IGSF23: variants seen among roughly 807,000 people sequenced by gnomAD.
The protein encoded by IGSF23 is immunoglobulin superfamily, member 23.
IGSF23 carries 14 observed loss-of-function variants against 17.8 expected under a neutral mutation model. That is an observed-to-expected ratio of 0.79 (90% CI 0.52 to 1.23). The LOEUF is 1.23. Among genes scored for constraint, IGSF23 ranks in the 50% most tolerant of loss-of-function variants. The pLI is 0.00. For missense variants in IGSF23, 214 were observed against 241.7 expected (o/e 0.89, Z 0.76); for synonymous variants, 85 against 92.5 (o/e 0.92, Z 0.46).
intron 3 of IGSF23, among the ~76,000 whole-genome samples, chr19:44,631,147 G>A (rs1295206786): frequency 6.6e-6 from 1 of 151,928 alleles, no homozygotes; most frequent in Admixed American, 6.6e-5. Context: ...CATGCTTGTG[G>A]TTCCAGCTAC....
intron 1 of IGSF23, among the ~76,000 whole-genome samples, chr19:44,616,922 A>C (rs1020783295): frequency 9.9e-5 from 15 of 150,910 alleles, no homozygotes; most frequent in African/African-American, 3.6e-4. Context: ...GAGAGGGAGA[A>C]AGGTCTTGCT....
intron 3 of IGSF23, among the ~76,000 whole-genome samples, chr19:44,629,867 C>CATG (rs1372325540): frequency 2.0e-5 from 3 of 152,022 alleles, no homozygotes; most frequent in Non-Finnish European, 4.4e-5. Flanking sequence ...CTCTTGACCT[C>CATG]ATGATCTGCC....
intron 3 of IGSF23, among the ~76,000 whole-genome samples, chr19:44,631,457 G>A (rs991708935): frequency 2.0e-5 from 3 of 151,624 alleles, no homozygotes; most frequent in African/African-American, 7.3e-5. Flanking sequence ...GCATGGTGGT[G>A]CATGCCTGTA....
At chr19:44,634,572 C>A (rs967053943) in intron 3 of IGSF23, among the ~76,000 whole-genome samples, 8 of 152,112 alleles carry the variant, frequency 5.3e-5, no homozygotes, top group African/African-American at 1.9e-4. Context: ...TCGCTCCAGG[C>A]GCTGCTCGAA....
At chr19:44,624,019 A>G (rs1173814062) in intron 2 of IGSF23, 47 bp downstream of exon 2, 16 of 1,316,504 alleles carry the variant, frequency 1.2e-5, no homozygotes, top group Non-Finnish European at 1.5e-5. Context: ...AGAGCCCTGC[A>G]CCCTCTCCAG....
chr19:44,628,312 T>C (rs1464561903), intron 3 of IGSF23, among the ~76,000 whole-genome samples: 1 of 152,162 alleles, frequency 6.6e-6, no homozygotes, highest in Admixed American at 6.5e-5. Context: ...TCGTCCTCTC[T>C]ACACATATCT....
At chr19:44,616,900 AAGAGAGAG>A (rs899763381) in intron 1 of IGSF23, among the ~76,000 whole-genome samples, 7 of 149,390 alleles carry the variant, frequency 4.7e-5, no homozygotes, top group African/African-American at 1.2e-4. Context: ...GAGAGAGAAA[AAGAGAGAG>A]AGAGAGAGGG....
At chr19:44,614,174 C>T (rs750848342) in intron 1 of IGSF23, among the ~76,000 whole-genome samples, 2 of 152,060 alleles carry the variant, frequency 1.3e-5, no homozygotes, top group Non-Finnish European at 2.9e-5. Context: ...CTATTGGCTT[C>T]TTTTAGGAAG....
chr19:44,618,499 T>C (rs960912890), intron 1 of IGSF23, among the ~76,000 whole-genome samples: 4 of 152,222 alleles, frequency 2.6e-5, no homozygotes, highest in African/African-American at 9.6e-5. Context: ...CAGGACACTT[T>C]GCATGCTGGT....
At position 44,636,520 on chromosome 19, in the gene IGSF23, G is replaced by C; in HGVS notation, c.*133G>C. 1 of 152,270 alleles carries C rather than the reference G, an allele frequency of 6.6e-6. No individual in the cohort carries two copies. Among genetic ancestry groups the C allele is most frequent in the South Asian group, 2.1e-4 (1 of 4,822 alleles). 9.4% of individuals were successfully genotyped at this position (152,270 alleles called of 1,614,324 possible). On this transcript the variant is annotated 3_prime_UTR_variant, in exon 5 of 5. Transcript: ENST00000402988. ...TCAAGGGAACAACCCAACGTAACCA[G>C]ACTCCCTTTGCCCTGTTTCTGAAAC... is the stretch of plus-strand genomic sequence containing the variant.
chr19:44,614,670 G>T (rs982244836), intron 1 of IGSF23, among the ~76,000 whole-genome samples: 2 of 152,010 alleles, frequency 1.3e-5, no homozygotes, highest in African/African-American at 4.8e-5. Context: ...GGGCTCAAGC[G>T]ATCCTCCTGC....
intron 1 of IGSF23, among the ~76,000 whole-genome samples, chr19:44,619,559 C>A (rs1007294882): frequency 6.6e-6 from 1 of 152,222 alleles, no homozygotes; most frequent in African/African-American, 2.4e-5. Context: ...GCAAAATACT[C>A]TAGGCTTAAT....
chr19:44,633,962 G>T (rs1430453401), intron 3 of IGSF23, among the ~76,000 whole-genome samples: 1 of 152,188 alleles, frequency 6.6e-6, no homozygotes, highest in East Asian at 1.9e-4. Context: ...CTGAATCAAT[G>T]ACTCCTGTAT....
chr19:44,627,062 G>A (rs914157289), intron 2 of IGSF23, among the ~76,000 whole-genome samples: 4 of 152,176 alleles, frequency 2.6e-5, no homozygotes, highest in African/African-American at 9.7e-5. Flanking sequence ...GGGTTGCATG[G>A]CTATAAAGGC....
chr19:44,621,312 T>G (rs1331754624), intron 1 of IGSF23, among the ~76,000 whole-genome samples: 1 of 149,334 alleles, frequency 6.7e-6, no homozygotes, highest in Admixed American at 6.7e-5. Context: ...TAGCCCTGTT[T>G]GTTTCAAAGG....
chr19:44,613,661 C>T lies in IGSF23; in HGVS notation c.16C>T (p.Gln6Ter). ...CGGTGAGAGAATGAGAGCAAAACCT[C>T]AGAGCCCCCTTCCCAGGAACCCTGT... MRAKP[Q>*]SPLPRNPVPA... Residue 6 changes from glutamine (Q) to a stop codon, truncating the protein, a stop_gained, in exon 1 of 5, where the codon CAG (glutamine) becomes TAG (stop). Transcript: ENST00000402988. LOFTEE classifies it high-confidence loss of function. The T allele has an allele frequency of 1.9e-6, 3 of 1,549,018 alleles. No homozygotes were observed. The highest frequency in any genetic ancestry group is 2.4e-5 in the South Asian group (2 of 83,888).
intron 1 of IGSF23, among the ~76,000 whole-genome samples, chr19:44,623,472 C>G (rs1972564896): frequency 6.6e-6 from 1 of 152,216 alleles, no homozygotes; most frequent in African/African-American, 2.4e-5. Flanking sequence ...GCTTTGGCCA[C>G]CAGTGAAAGT....
chr19:44,616,689 C>T (rs1455074701), intron 1 of IGSF23, among the ~76,000 whole-genome samples: 1 of 114,466 alleles, frequency 8.7e-6, no homozygotes, highest in East Asian at 2.7e-4. Flanking sequence ...GAGCGAGACT[C>T]CATCTCAAAA....
rs1216703822 is a variant in IGSF23 at position 44,616,621 on chromosome 19, C to T, written c.125+2851C>T. On this transcript the variant is annotated intron_variant, in intron 1 of 4. Coordinates refer to ENST00000402988, the MANE Select transcript of IGSF23 (RefSeq NM_001205280.2). ...CTGAGGCAGGGGAATCACTTGAACC[C>T]GGGAGGTGGAGCTTGCAGTGAGCCG... 2.0e-5 allele frequency among the ~76,000 whole-genome samples: 3 copies of T among 148,266 alleles called. No homozygotes were observed. The East Asian group carries it at 6.1e-4, about 30-fold the overall frequency.
Sources: gnomAD v4.1 joint callset for allele counts (sites outside exome capture counted in the v4.1 genomes callset) on GRCh38, gnomAD v4.1.1 for gene constraint, MANE v1.5 for transcripts, NCBI Gene and HGNC (gene_info 2026-07-23, HGNC 2026-07-21) for gene names.